The following MED28 variants were observed in gnomAD, a reference collection of about 807,000 sequenced individuals.
The protein encoded by MED28 is mediator of RNA polymerase II transcription subunit 28.
A neutral mutation model predicts 21.3 loss-of-function variants in MED28; 26 were observed. The observed-to-expected ratio is 1.22, with a 90% CI of 0.89 to 1.69. MED28 has a LOEUF of 1.69. Among genes scored for constraint, MED28 ranks in the 40% most tolerant of loss-of-function variants. MED28 has a pLI of 0.00. For synonymous variants in MED28, 110 were observed against 87.6 expected, an observed-to-expected ratio of 1.26 and a Z score of -1.43; for missense variants, 257 against 215.4, an observed-to-expected ratio of 1.19 and a Z score of -1.21.
Position 17,633,554 on chromosome 4 carries a change from T to G in MED28, c.*9756T>G, listed in dbSNP as rs1473191481. On this transcript the variant is annotated 3_prime_UTR_variant, in exon 4 of 4. Transcript: ENST00000237380. ...CATGCTGAAGTTTTCAGGTAAGTGATTCAGTGTCCCTTGTCTAATCATCCA... is the reference window on the plus strand; with the variant it reads ...CATGCTGAAGTTTTCAGGTAAGTGAGTCAGTGTCCCTTGTCTAATCATCCA... 1 of 787,474 alleles carries G rather than the reference T, an allele frequency of 1.3e-6. No homozygotes were observed. Among genetic ancestry groups the G allele is most frequent in the Non-Finnish European group, 1.9e-6 (1 of 524,516 alleles). 48.8% of individuals were successfully genotyped at this position (787,474 alleles called of 1,614,324 possible).
intron 1 of MED28, among the ~76,000 whole-genome samples, chr4:17,616,633 G>A (rs904433554): frequency 3.3e-5 from 5 of 152,120 alleles, no homozygotes; most frequent in African/African-American, 4.8e-5. Flanking sequence ...CTTCCAGGCC[G>A]CTCCTCAGCT....
At chr4:17,619,802 C>T in intron 1 of MED28, 99 bp from the exon 2 acceptor site, 1 of 988,302 alleles carries the variant, frequency 1.0e-6, no homozygotes, top group Admixed American at 1.9e-5. Flanking sequence ...GATGCTGCCA[C>T]CTCATCAGAT....
intron 2 of MED28, 115 bp from the exon 3 acceptor site, chr4:17,621,472 C>A: frequency 1.5e-6 from 1 of 646,512 alleles, no homozygotes. Context: ...AGATTAAAAT[C>A]CCTGAGTTGT....
rs901639369 is a variant in MED28 at position 17,628,700 on chromosome 4, TG to T, written c.*4904del. On this transcript the variant is annotated 3_prime_UTR_variant, in exon 4 of 4. Coordinates refer to ENST00000237380, the MANE Select transcript of MED28 (RefSeq NM_025205.5). ...TGACTGAGACAATTGTGACTGGATG[TG>T]GTCTGAGAGCAGGCAGTAGGATGAG... 6.6e-6 allele frequency: 1 copy of T among 152,196 alleles called. No individual in the cohort carries two copies. Among genetic ancestry groups the T allele is most frequent in the African/African-American group, 2.4e-5 (1 of 41,426 alleles). 9.4% of individuals were successfully genotyped at this position (152,196 alleles called of 1,614,324 possible).
chr4:17,620,601 G>A (rs754211851), intron 2 of MED28, among the ~76,000 whole-genome samples: 21 of 152,052 alleles, frequency 1.4e-4, no homozygotes, highest in Non-Finnish European at 3.1e-4. Context: ...CCAAAGTATC[G>A]GGATTACAGG....
chr4:17,616,729 C>CCAGGTAGT, intron 1 of MED28, among the ~76,000 whole-genome samples: 1 of 152,130 alleles, frequency 6.6e-6, no homozygotes, highest in East Asian at 1.9e-4. Context: ...TCAGAGACTA[C>CCAGGTAGT]CTGTTTTGTA....
rs537286105 is a variant in MED28 at position 17,624,015 on chromosome 4, A to AT, written c.*227dup. On this transcript the variant is annotated 3_prime_UTR_variant, in exon 4 of 4. Coordinates refer to ENST00000237380, the MANE Select transcript of MED28 (RefSeq NM_025205.5). ...TGTAGCTTGGATAAACCAAGTAAGT[A>AT]TTTTTTTTTTGTCTTTAGCAAAGTT... 9,527 of 454,884 alleles carry AT rather than the reference A, an allele frequency of 0.021. 89 individuals carry two copies. The highest frequency in any genetic ancestry group is 0.064 in the African/African-American group (3,195 of 50,094). The allele number at this position is 454,884 out of a possible 1,614,324, so 28.2% of individuals were successfully genotyped here.
Position 17,631,591 on chromosome 4 carries a change from G to GTACT in MED28, c.*7796_*7799dup, listed in dbSNP as rs1182557505. 1.3e-5 allele frequency: 2 copies of GTACT among 151,096 alleles called. No homozygotes were observed. The highest frequency in any genetic ancestry group is 4.9e-5 in the African/African-American group (2 of 40,414). 9.4% of individuals were successfully genotyped at this position (151,096 alleles called of 1,614,324 possible). A position where few individuals can be genotyped will look rare whatever the true frequency, so the allele number is the denominator to read the frequency against. On this transcript the variant is annotated 3_prime_UTR_variant, in exon 4 of 4. Coordinates refer to ENST00000237380, the MANE Select transcript of MED28 (RefSeq NM_025205.5). ...TGGTTATTTACAGAAAAACCTTGTG[G>GTACT]TACTTAATTCCAATTCATGTTAATT...
In MED28 at chr4:17,628,545, C is replaced by G. The variant is rs971121796; in HGVS notation, c.*4747C>G. On this transcript the variant is annotated 3_prime_UTR_variant, in exon 4 of 4. Coordinates refer to ENST00000237380, the MANE Select transcript of MED28 (RefSeq NM_025205.5). The stretch of plus-strand genomic sequence containing the variant: ...CCTCTGTCTGAGAAGTCCTATGGTT[C>G]TCTGTGATGAATAGACCCAACTTGT... 3 of 152,050 alleles carry G rather than the reference C, an allele frequency of 2.0e-5. No individual in the cohort carries two copies. Among genetic ancestry groups the G allele is most frequent in the East Asian group, 3.9e-4 (2 of 5,182 alleles). 9.4% of individuals were successfully genotyped at this position (152,050 alleles called of 1,614,324 possible). A position where few individuals can be genotyped will look rare whatever the true frequency, so the allele number is the denominator to read the frequency against.
rs1714977890 is a variant in MED28 at position 17,632,324 on chromosome 4, C to A, written c.*8526C>A. ...TCCTGGACTCAAGCAGTCCATCTGC[C>A]TCAGCCTCCCAAAGTGATGGGATTA... On this transcript the variant is annotated 3_prime_UTR_variant, in exon 4 of 4. Coordinates refer to ENST00000237380, the MANE Select transcript of MED28 (RefSeq NM_025205.5). 5.3e-6 allele frequency: 2 copies of A among 378,638 alleles called. No homozygotes were observed. Among genetic ancestry groups the A allele is most frequent in the African/African-American group, 4.1e-5 (2 of 48,968 alleles). 23.5% of individuals were successfully genotyped at this position (378,638 alleles called of 1,614,324 possible).
intron 3 of MED28, among the ~76,000 whole-genome samples, chr4:17,622,269 G>A (rs1372121326): frequency 6.6e-6 from 1 of 152,182 alleles, no homozygotes. Flanking sequence ...GAATCATCCT[G>A]CCCAAAAAGC....
chr4:17,625,959 C>T lies in MED28; in HGVS notation c.*2161C>T. ...CATTTTGTAAATGATCCCATTCAGT[C>T]TTCTAGAAGCCTTATAACAGAATCA... On this transcript the variant is annotated 3_prime_UTR_variant, in exon 4 of 4. Transcript: ENST00000237380. 5.6e-6 allele frequency: 1 copy of T among 177,830 alleles called. No individual in the cohort carries two copies. Among genetic ancestry groups the T allele is most frequent in the South Asian group, 1.1e-4 (1 of 9,386 alleles). 11.0% of individuals were successfully genotyped at this position (177,830 alleles called of 1,614,324 possible). A position where few individuals can be genotyped will look rare whatever the true frequency, so the allele number is the denominator to read the frequency against.
In MED28 at chr4:17,625,576, G is replaced by A. The variant is rs76409052; in HGVS notation, c.*1778G>A. On this transcript the variant is annotated 3_prime_UTR_variant, in exon 4 of 4. Transcript: ENST00000237380. ...GTGAAAAGATTTTGAATTACTGTAC[G>A]TACCAGTTGTTGCCATTTCTTTATT... 1.4e-3 allele frequency: 601 copies of A among 417,936 alleles called. 4 individuals carry two copies. The highest frequency in any genetic ancestry group is 0.011 in the African/African-American group (537 of 48,834). 25.9% of individuals were successfully genotyped at this position (417,936 alleles called of 1,614,324 possible).
chr4:17,633,997 GC>G lies in MED28; in HGVS notation c.*10200del. 2 of 878,188 alleles carry G rather than the reference GC, an allele frequency of 2.3e-6. No individual in the cohort carries two copies. Among genetic ancestry groups the G allele is most frequent in the Non-Finnish European group, 3.1e-6 (2 of 635,274 alleles). 54.4% of individuals were successfully genotyped at this position (878,188 alleles called of 1,614,324 possible). A position where few individuals can be genotyped will look rare whatever the true frequency, so the allele number is the denominator to read the frequency against. On this transcript the variant is annotated 3_prime_UTR_variant, in exon 4 of 4. Coordinates refer to ENST00000237380, the MANE Select transcript of MED28 (RefSeq NM_025205.5). ...CAATCAAAATTGTATCGGAGAAGAA[GC>G]AACAATTTCATTTATACACTTACAT...
chr4:17,619,718 C>T lies in MED28; in HGVS notation c.160-183C>T, dbSNP rs537472007. ...TTTGCCTGGCGCTTCCTCCATGGGCCTAATTAATTGGTAAACTCAGTTTAC... is the reference window on the plus strand; with the variant it reads ...TTTGCCTGGCGCTTCCTCCATGGGCTTAATTAATTGGTAAACTCAGTTTAC... On this transcript the variant is annotated intron_variant, in intron 1 of 3. Coordinates refer to ENST00000237380, the MANE Select transcript of MED28 (RefSeq NM_025205.5). Among the ~76,000 whole-genome samples the T allele has an allele frequency of 7.2e-5, 11 of 152,250 alleles. No individual in the cohort carries two copies. In the East Asian group the frequency reaches 1.2e-3, roughly 16 times the overall value.
chr4:17,619,858 G>A (rs771890543), intron 1 of MED28, 43 bp from the exon 2 acceptor site: 9 of 1,562,752 alleles, frequency 5.8e-6, no homozygotes, highest in African/African-American at 1.4e-5. Context: ...GATTTTTGAT[G>A]TATAAATGAT....
intron 2 of MED28, among the ~76,000 whole-genome samples, chr4:17,621,025 T>TTTG (rs1577232319): frequency 6.7e-6 from 1 of 149,862 alleles, no homozygotes; most frequent in East Asian, 2.0e-4. Flanking sequence ...TGTGTTTTTT[T>TTTG]TTTTTTTTGA....
At position 17,630,963 on chromosome 4, in the gene MED28, T is replaced by C. The variant is rs1714918648; in HGVS notation, c.*7165T>C. 6.6e-6 allele frequency: 1 copy of C among 152,252 alleles called. No homozygotes were observed. The highest frequency in any genetic ancestry group is 6.5e-5 in the Admixed American group (1 of 15,288). The allele number at this position is 152,252 out of a possible 1,614,324, so 9.4% of individuals were successfully genotyped here. The stretch of plus-strand genomic sequence containing the variant: ...GACAATGCATAGAATTAACATTGGT[T>C]TGTGGGCCACCTTCTGGGCCAGCAC... On this transcript the variant is annotated 3_prime_UTR_variant, in exon 4 of 4. Transcript: ENST00000237380.
Position 17,633,540 on chromosome 4 carries a change from T to G in MED28, c.*9742T>G, listed in dbSNP as rs1715028366. 1.4e-6 allele frequency: 1 copy of G among 705,808 alleles called. No homozygotes were observed. Among genetic ancestry groups the G allele is most frequent in the Non-Finnish European group, 2.2e-6 (1 of 453,194 alleles). 43.7% of individuals were successfully genotyped at this position (705,808 alleles called of 1,614,324 possible). A position where few individuals can be genotyped will look rare whatever the true frequency, so the allele number is the denominator to read the frequency against. On this transcript the variant is annotated 3_prime_UTR_variant, in exon 4 of 4. Coordinates refer to ENST00000237380, the MANE Select transcript of MED28 (RefSeq NM_025205.5). ...CCTTTTGTATAACCCATGCTGAAGTTTTCAGGTAAGTGATTCAGTGTCCCT... is the reference window on the plus strand; with the variant it reads ...CCTTTTGTATAACCCATGCTGAAGTGTTCAGGTAAGTGATTCAGTGTCCCT...
Sources: gnomAD v4.1 joint callset for allele counts (sites outside exome capture counted in the v4.1 genomes callset) on GRCh38, gnomAD v4.1.1 for gene constraint, MANE v1.5 for transcripts, NCBI Gene and HGNC (gene_info 2026-07-23, HGNC 2026-07-21) for gene names.